Variants in BRD2 observed in about 807,000 individuals in gnomAD.
The protein encoded by BRD2 is bromodomain containing 2, also known as bromodomain-containing protein 2.
In BRD2, 15 loss-of-function variants were observed where a neutral mutation model predicts 79.1. The ratio of observed to expected loss-of-function variants is 0.19; its 90% CI spans 0.13 to 0.29. The LOEUF is 0.29. Among genes scored for constraint, BRD2 ranks in the 10% least tolerant of loss-of-function variants. The pLI, the probability that BRD2 is intolerant of heterozygous loss-of-function variation, is 1.00. For missense variants in BRD2, 1,053 were observed against 991.3 expected (o/e 1.06, Z -0.84); for synonymous variants, 488 against 358.6 (o/e 1.36, Z -4.08).
intron 1 of BRD2, chr6:32,969,306 C>T: frequency 2.8e-6 from 2 of 715,656 alleles, no homozygotes; most frequent in Non-Finnish European, 5.2e-6. Context: ...GCGGTGTGGC[C>T]CCCCCTATTC....
At position 32,972,600 on chromosome 6, in the gene BRD2, C is replaced by CT. The variant is rs1254848348; in HGVS notation, c.-298dup. ...CAGCGGGCTATATTGACGACGGTGT[C>CT]TGAGATCGGGGACCGTCTTTTGAAG... On this transcript the variant is annotated 5_prime_UTR_variant, in exon 2 of 13. Coordinates refer to ENST00000374825, the MANE Select transcript of BRD2 (RefSeq NM_005104.4). 5.4e-6 allele frequency: 3 copies of CT among 553,944 alleles called. No individual in the cohort carries two copies. Among genetic ancestry groups the CT allele is most frequent in the South Asian group, 2.2e-5 (1 of 45,724 alleles). 34.3% of individuals were successfully genotyped at this position (553,944 alleles called of 1,614,324 possible).
intron 4 of BRD2, 107 bp downstream of exon 4, chr6:32,975,628 T>TTA: frequency 7.1e-7 from 1 of 1,416,792 alleles, no homozygotes. Context: ...ACTGAAGGTG[T>TTA]TATCCAGGTA....
rs1033183738 is a variant in BRD2 at position 32,972,623 on chromosome 6, A to G, written c.-276A>G. ...GTCTGAGATCGGGGACCGTCTTTTG[A>G]AGAGTCAGTCCCTCCTTAGTTGCCC... is the stretch of plus-strand genomic sequence containing the variant. On this transcript the variant is annotated 5_prime_UTR_variant, in exon 2 of 13. Transcript: ENST00000374825. 8 of 577,508 alleles carry G rather than the reference A, an allele frequency of 1.4e-5. No homozygotes were observed. The highest frequency in any genetic ancestry group is 3.8e-5 in the African/African-American group (2 of 53,000). The allele number at this position is 577,508 out of a possible 1,614,324, so 35.8% of individuals were successfully genotyped here. A position where few individuals can be genotyped will look rare whatever the true frequency, so the allele number is the denominator to read the frequency against.
rs1274866173 is a variant in BRD2, at chr6:32,971,911, C to T, written c.-988C>T. On this transcript the variant is annotated 5_prime_UTR_variant, in exon 2 of 13. Transcript: ENST00000374825. ...GGCGGACCACAGCTCAGCCAATTGG[C>T]TTGGAGATGTGGCGGGTTGCCACTT... is the stretch of plus-strand genomic sequence containing the variant. 1.4e-6 allele frequency: 1 copy of T among 702,974 alleles called. No individual in the cohort carries two copies. The allele number at this position is 702,974 out of a possible 1,614,324, so 43.5% of individuals were successfully genotyped here.
chr6:32,979,061 G>GTTTTTTTTT (rs1561957386), intron 10 of BRD2: 4 of 78,978 alleles, frequency 5.1e-5, no homozygotes, highest in Non-Finnish European at 6.0e-5. Flanking sequence ...TTTTTTGTTA[G>GTTTTTTTTT]TTTGTTTTTT....
rs758473505 is a variant in BRD2 at position 32,969,205 on chromosome 6, GA to G, written c.-1305+150del. ...ACCTTTTACAGCCAATGGGAGCGTG[GA>G]GGGGGGGCGAGCGGGAGAGGGCCAT... On this transcript the variant is annotated intron_variant, in intron 1 of 12. Coordinates refer to ENST00000374825, the MANE Select transcript of BRD2 (RefSeq NM_005104.4). The G allele has an allele frequency of 2.1e-3, 1,075 of 506,636 alleles. 10 individuals carry two copies. Among genetic ancestry groups the G allele is most frequent in the African/African-American group, 0.017 (862 of 51,716 alleles). 31.4% of individuals were successfully genotyped at this position (506,636 alleles called of 1,614,324 possible).
Position 32,972,154 on chromosome 6 carries a change from T to G in BRD2, c.-745T>G, listed in dbSNP as rs1442346736. 2 of 635,722 alleles carry G rather than the reference T, an allele frequency of 3.1e-6. No individual in the cohort carries two copies. The highest frequency in any genetic ancestry group is 1.7e-5 in the South Asian group (1 of 58,798). 39.4% of individuals were successfully genotyped at this position (635,722 alleles called of 1,614,324 possible). A position where few individuals can be genotyped will look rare whatever the true frequency, so the allele number is the denominator to read the frequency against. On this transcript the variant is annotated 5_prime_UTR_variant, in exon 2 of 13. Coordinates refer to ENST00000374825, the MANE Select transcript of BRD2 (RefSeq NM_005104.4). ...TGGCGCGCATGAGCGGCGAAGCTCC[T>G]CCTCCCCGCCTATATATAAAGGGCT... is the stretch of plus-strand genomic sequence containing the variant.
Position 32,975,514 on chromosome 6 carries a change from A to G in BRD2, c.464A>G (p.Tyr155Cys). The change falls in exon 4 of 13, where the codon TAC becomes TGC. Residue 155 changes from tyrosine (Y) to cysteine (C), a missense_variant. By Grantham distance (194) the Tyr-to-Cys change is radical (BLOSUM62 -2). Around this residue, in one of 5 missense-constraint regions of BRD2, gnomAD observed 413 missense variants for 335.1 expected, o/e 1.23. Coordinates refer to ENST00000374825, the MANE Select transcript of BRD2 (RefSeq NM_005104.4). ...ACCATGTTCACCAACTGTTACATTT[A>G]CAACAAGGTGAGTTTTTCTGTGTGT... The part of the protein sequence containing the change: ...FNTMFTNCYI[Y>C]NKPTDDIVLM... 6.2e-7 allele frequency: 1 copy of G among 1,611,426 alleles called. No homozygotes were observed. Among genetic ancestry groups the G allele is most frequent in the Non-Finnish European group, 8.5e-7 (1 of 1,179,588 alleles).
In BRD2 at chr6:32,972,142, C is replaced by G; in HGVS notation, c.-757C>G. On this transcript the variant is annotated 5_prime_UTR_variant, in exon 2 of 13. Transcript: ENST00000374825. Reference sequence around the variant, plus strand: ...GCTCAAGCAGGGTGGCGCGCATGAGCGGCGAAGCTCCTCCTCCCCGCCTAT... The same window carrying G: ...GCTCAAGCAGGGTGGCGCGCATGAGGGGCGAAGCTCCTCCTCCCCGCCTAT... 1 of 649,952 alleles carries G rather than the reference C, an allele frequency of 1.5e-6. No homozygotes were observed. The highest frequency in any genetic ancestry group is 2.8e-6 in the Non-Finnish European group (1 of 357,122). The allele number at this position is 649,952 out of a possible 1,614,324, so 40.3% of individuals were successfully genotyped here.
In BRD2 at chr6:32,972,205, C is replaced by G; in HGVS notation, c.-694C>G. ...GGCGCGGGGCTCGGCGGCGCCATTT[C>G]GTGCTGGAGTGGAGCAGCCTCTAGA... On this transcript the variant is annotated 5_prime_UTR_variant, in exon 2 of 13. Coordinates refer to ENST00000374825, the MANE Select transcript of BRD2 (RefSeq NM_005104.4). 1 of 532,574 alleles carries G rather than the reference C, an allele frequency of 1.9e-6. No individual in the cohort carries two copies. 33.0% of individuals were successfully genotyped at this position (532,574 alleles called of 1,614,324 possible). A position where few individuals can be genotyped will look rare whatever the true frequency, so the allele number is the denominator to read the frequency against.
At chr6:32,969,273 T>C (rs1253844213) in intron 1 of BRD2, 1 of 701,282 alleles carries the variant, frequency 1.4e-6, no homozygotes, top group Non-Finnish European at 2.7e-6. Flanking sequence ...TCCGTACCCA[T>C]TGGAGGGCAA....
At chr6:32,971,299 G>GT in intron 1 of BRD2, 1 of 308,060 alleles carries the variant, frequency 3.2e-6, no homozygotes. Context: ...AAATGTATTG[G>GT]TAACTGTAGG....
At chr6:32,973,015 G>GC in intron 2 of BRD2, 88 bp downstream of exon 2, 1 of 1,612,954 alleles carries the variant, frequency 6.2e-7, no homozygotes, top group Non-Finnish European at 8.5e-7. Context: ...GTACTGAGCG[G>GC]CCCCGGCGCG....
intron 1 of BRD2, chr6:32,969,496 C>G: frequency 1.7e-6 from 1 of 599,384 alleles, no homozygotes; most frequent in South Asian, 1.9e-5. Context: ...CAGGCGCCAA[C>G]TTCCTTTCTC....
At chr6:32,978,434 C>T (rs1480378843) in intron 10 of BRD2, 46 bp downstream of exon 10, 6 of 1,583,386 alleles carry the variant, frequency 3.8e-6, no homozygotes, top group Admixed American at 3.7e-5. Context: ...ATTTCTGTCT[C>T]TCTGGGGGAT....
At chr6:32,979,492 T>C (rs891722194) in intron 10 of BRD2, 2 of 312,442 alleles carry the variant, frequency 6.4e-6, no homozygotes, top group Non-Finnish European at 1.2e-5. Flanking sequence ...AGATACTACT[T>C]TTTTTTTTAG....
At chr6:32,978,618 A>G in intron 10 of BRD2, 2 of 647,014 alleles carry the variant, frequency 3.1e-6, no homozygotes, top group South Asian at 2.1e-5. Flanking sequence ...ACCTCAGATC[A>G]TTGGGCCATT....
Position 32,976,339 on chromosome 6 carries a change from C to T in BRD2, c.700C>T (p.Pro234Ser), listed in dbSNP as rs1461725893. The T allele has an allele frequency of 6.2e-7, 1 of 1,613,084 alleles. No homozygotes were observed. Among genetic ancestry groups the T allele is most frequent in the Non-Finnish European group, 8.5e-7 (1 of 1,180,026 alleles). The change falls in exon 6 of 13, where the codon CCT becomes TCT. Residue 234 changes from proline (P) to serine (S), a missense_variant. Coordinates refer to ENST00000374825, the MANE Select transcript of BRD2 (RefSeq NM_005104.4). Reference sequence around the variant, plus strand: ...CCTGTATACTCCTCCACCTGAGATACCTACCACTGTCCTCAACATTCCCCA... The same window carrying T: ...CCTGTATACTCCTCCACCTGAGATATCTACCACTGTCCTCAACATTCCCCA... ...TALYTPPPEI[P>S]TTVLNIPHPS...
chr6:32,981,045 C>G lies in BRD2; in HGVS notation c.*327C>G, dbSNP rs890925884. ...GAGGCCACAGCTGCCCTATTCACTT[C>G]TAAGGGCCCTGTTTTGAGATTGTTT... On this transcript the variant is annotated 3_prime_UTR_variant, in exon 13 of 13. Coordinates refer to ENST00000374825, the MANE Select transcript of BRD2 (RefSeq NM_005104.4). 4.3e-5 allele frequency: 12 copies of G among 280,660 alleles called. No individual in the cohort carries two copies. The highest frequency in any genetic ancestry group is 1.5e-4 in the African/African-American group (7 of 46,958). The allele number at this position is 280,660 out of a possible 1,614,324, so 17.4% of individuals were successfully genotyped here.
Sources: gnomAD v4.1 joint callset for allele counts on GRCh38, gnomAD v4.1.1 for gene constraint, gnomAD v4.1.1 regional missense constraint, MANE v1.5 for transcripts, NCBI Gene and HGNC (gene_info 2026-07-23, HGNC 2026-07-21) for gene names.